The following CNTNAP4 variants were observed in gnomAD, a reference collection of about 807,000 sequenced individuals.
The protein encoded by CNTNAP4 is contactin-associated protein-like 4.
A neutral mutation model predicts 148.4 loss-of-function variants in CNTNAP4; 98 were observed. The ratio of observed to expected loss-of-function variants is 0.66; its 90% CI spans 0.56 to 0.78. The LOEUF (loss-of-function observed/expected upper bound fraction) is 0.78. CNTNAP4 is among the 30% of genes least tolerant of loss of function. The pLI is 0.00. For missense variants in CNTNAP4, 1,935 were observed against 1,565.6 expected (o/e 1.24, Z -3.98); for synonymous variants, 730 against 565.1 (o/e 1.29, Z -4.14).
chr16:76,355,123 C>CAATT (rs922294760), intron 2 of CNTNAP4, among the ~76,000 whole-genome samples, 195 bp from the exon 3 acceptor site: 1 of 152,140 alleles, frequency 6.6e-6, no homozygotes, highest in Non-Finnish European at 1.5e-5. Context: ...GAAATGAATA[C>CAATT]AATTAATTAA....
chr16:76,297,819 A>G (rs1959471464), intron 1 of CNTNAP4, among the ~76,000 whole-genome samples: 1 of 152,210 alleles, frequency 6.6e-6, no homozygotes, highest in Non-Finnish European at 1.5e-5. Flanking sequence ...GCAGCATTAA[A>G]AAATATCTGT....
chr16:76,380,788 AG>A (rs1344332718), intron 3 of CNTNAP4, among the ~76,000 whole-genome samples: 2 of 152,208 alleles, frequency 1.3e-5, no homozygotes, highest in Non-Finnish European at 2.9e-5. Flanking sequence ...TTATGTCAGC[AG>A]TTACCGAGGG....
intron 3 of CNTNAP4, among the ~76,000 whole-genome samples, chr16:76,420,462 A>G (rs1353498623): frequency 1.3e-5 from 2 of 151,886 alleles, no homozygotes; most frequent in South Asian, 2.1e-4. Context: ...TGACATCCTC[A>G]CTATAATTCC....
At chr16:76,310,776 T>A (rs747595090) in intron 1 of CNTNAP4, among the ~76,000 whole-genome samples, 15 of 152,156 alleles carry the variant, frequency 9.9e-5, no homozygotes, top group Non-Finnish European at 2.9e-5. Context: ...CTAAGCTGAA[T>A]ACTGCTGAAA....
At chr16:76,341,717 A>T (rs549396849) in intron 2 of CNTNAP4, among the ~76,000 whole-genome samples, 1 of 152,294 alleles carries the variant, frequency 6.6e-6, no homozygotes, top group South Asian at 2.1e-4. Flanking sequence ...AGCTAGAAAA[A>T]TAGATTTAGT....
chr16:76,448,922 G>A lies in CNTNAP4; in HGVS notation c.898G>A (p.Glu300Lys). Reference protein sequence around the residue: ...EHRHHFHARGEFNLMNLDYEI... With the variant: ...EHRHHFHARGKFNLMNLDYEI... ...CAGGCATCATTTCCATGCACGGGGA[G>A]AATTCAATCTCATGAATCTTGATTA... The change falls in exon 6 of 24, where the codon GAA (glutamate) becomes AAA (lysine). Residue 300 changes from glutamate (E) to lysine (K), a missense_variant. Physicochemically the swap from Glu to Lys is moderately conservative, Grantham distance 56 (BLOSUM62 1). Coordinates refer to ENST00000611870, the MANE Select transcript of CNTNAP4 (RefSeq NM_033401.5). 6.2e-7 allele frequency: 1 copy of A among 1,613,672 alleles called. No individual in the cohort carries two copies.
chr16:76,382,410 A>G (rs1184130694), intron 3 of CNTNAP4, among the ~76,000 whole-genome samples: 1 of 152,208 alleles, frequency 6.6e-6, no homozygotes, highest in South Asian at 2.1e-4. Context: ...GCTACTTTCA[A>G]TGATCACATC....
chr16:76,509,576 G>A lies in CNTNAP4; in HGVS notation c.2365+10882G>A, dbSNP rs367665953. On this transcript the variant is annotated intron_variant, in intron 15 of 23. Coordinates refer to ENST00000611870, the MANE Select transcript of CNTNAP4 (RefSeq NM_033401.5). The stretch of plus-strand genomic sequence containing the variant: ...CTAAACTTACAAAAAAAGATTATGC[G>A]CGTTTTAAAAGATTGTAGAGTCACT... Among the ~76,000 whole-genome samples, 47 of 97,188 alleles carry A rather than the reference G, an allele frequency of 4.8e-4. 6 individuals are homozygous for A. The highest frequency in any genetic ancestry group is 1.2e-3 in the African/African-American group (46 of 38,930). The allele number at this position is 97,188 out of a possible 152,430, so 63.8% of individuals were successfully genotyped here. A position where few individuals can be genotyped will look rare whatever the true frequency, so the allele number is the denominator to read the frequency against.
intron 2 of CNTNAP4, among the ~76,000 whole-genome samples, chr16:76,324,947 A>G (rs1962815860): frequency 6.6e-6 from 1 of 152,194 alleles, no homozygotes. Flanking sequence ...TTTTGTTGGG[A>G]CACAAACATT....
rs1958520219 is a variant in CNTNAP4 at position 76,277,514 on chromosome 16, A to G, written c.-149A>G. On this transcript the variant is annotated 5_prime_UTR_variant, in exon 1 of 24. Transcript: ENST00000611870. ...GAGAGGGAGGAGGGAAGAAGAAAAG[A>G]CGGAGGGAGGTGAGGAGGAAGGGAG... The G allele has an allele frequency of 1.7e-6, 1 of 597,030 alleles. No homozygotes were observed. The highest frequency in any genetic ancestry group is 3.0e-6 in the Non-Finnish European group (1 of 336,708). 37.0% of individuals were successfully genotyped at this position (597,030 alleles called of 1,614,324 possible).
intron 3 of CNTNAP4, among the ~76,000 whole-genome samples, chr16:76,374,656 C>T (rs545077615): frequency 6.6e-6 from 1 of 151,824 alleles, no homozygotes; most frequent in East Asian, 1.9e-4. Context: ...ATTACTCTCA[C>T]TTTCTTAGTT....
chr16:76,408,761 C>T (rs1312610921), intron 3 of CNTNAP4, among the ~76,000 whole-genome samples: 2 of 151,832 alleles, frequency 1.3e-5, no homozygotes, highest in African/African-American at 4.8e-5. Flanking sequence ...ATTTTTTTAA[C>T]AACAACTTTC....
At chr16:76,346,780 G>C (rs965044791) in intron 2 of CNTNAP4, among the ~76,000 whole-genome samples, 2 of 152,164 alleles carry the variant, frequency 1.3e-5, no homozygotes. Context: ...AAACTTGGCT[G>C]TCATAAAATT....
chr16:76,498,113 A>G (rs2082467834), intron 14 of CNTNAP4, among the ~76,000 whole-genome samples: 1 of 152,180 alleles, frequency 6.6e-6, no homozygotes, highest in African/African-American at 2.4e-5. Flanking sequence ...TGTTTTGGCC[A>G]GGCCCAGTGG....
chr16:76,498,579 T>C lies in CNTNAP4; in HGVS notation c.2250T>C (p.Thr750=). 1.2e-6 allele frequency: 2 copies of C among 1,611,728 alleles called. No homozygotes were observed. Among genetic ancestry groups the C allele is most frequent in the Non-Finnish European group, 1.7e-6 (2 of 1,178,946 alleles). ...DADRNEWTND[T]GLLAYKEHLP... Reference sequence around the variant, plus strand: ...TATTGTTTTTTAGGACCAATGACACTGGATTGCTTGCTTATAAAGAACATC... The same window carrying C: ...TATTGTTTTTTAGGACCAATGACACCGGATTGCTTGCTTATAAAGAACATC... The change falls in exon 15 of 24, where the codon ACT becomes ACC. Residue 750 remains threonine (T), a synonymous_variant. Transcript: ENST00000611870.
chr16:76,317,099 C>G (rs989220471), intron 2 of CNTNAP4, among the ~76,000 whole-genome samples: 4 of 119,706 alleles, frequency 3.3e-5, no homozygotes, highest in African/African-American at 1.4e-4. Flanking sequence ...GACCTTGTCT[C>G]TACAAAATAA....
chr16:76,553,394 C>G lies in CNTNAP4; in HGVS notation c.3554C>G (p.Pro1185Arg). 6.2e-7 allele frequency: 1 copy of G among 1,612,488 alleles called. No homozygotes were observed. The highest frequency in any genetic ancestry group is 1.7e-5 in the Admixed American group (1 of 59,850). ...HVAPLKAALH[P>R]SHPDPVTVTG... The stretch of plus-strand genomic sequence containing the variant: ...GCCCCTCTGAAGGCAGCTCTGCACC[C>G]CAGCCACCCAGACCCTGTCACTGTT... Residue 1185 changes from proline (P) to arginine (R), a missense_variant, in exon 22 of 24, where the codon CCC becomes CGC. Pro to Arg is a moderately radical substitution (Grantham distance 103, BLOSUM62 -2). Transcript: ENST00000611870.
At chr16:76,491,682 G>A (rs1243863034) in intron 13 of CNTNAP4, among the ~76,000 whole-genome samples, 2 of 152,340 alleles carry the variant, frequency 1.3e-5, no homozygotes, top group East Asian at 3.9e-4. Context: ...AATGAATGCT[G>A]TGGAACAAAA....
chr16:76,411,016 T>C (rs1449251586), intron 3 of CNTNAP4, among the ~76,000 whole-genome samples: 1 of 151,372 alleles, frequency 6.6e-6, no homozygotes, highest in African/African-American at 2.4e-5. Flanking sequence ...CATTATAATA[T>C]GAAGTATACA....
Sources: allele counts gnomAD v4.1 joint callset (sites outside exome capture counted in the v4.1 genomes callset), GRCh38; gene constraint gnomAD v4.1.1; transcripts MANE v1.5; gene names NCBI Gene and HGNC (gene_info 2026-07-23, HGNC 2026-07-21).